The following APBB2 variants were observed in gnomAD, a reference collection of about 807,000 sequenced individuals.
APBB2 encodes Fe65-like 1.
Under a neutral mutation model 82.5 loss-of-function variants are expected in APBB2, and 38 were observed. The observed-to-expected ratio is 0.46, with a 90% confidence interval of 0.36 to 0.60. The LOEUF (loss-of-function observed/expected upper bound fraction) is 0.60. Among genes scored for constraint, APBB2 ranks in the 20% least tolerant of loss-of-function variants. APBB2 has a pLI of 0.00. For synonymous variants in APBB2, 341 were observed against 368.2 expected (o/e 0.93, Z 0.85); for missense variants, 772 against 972.3 (o/e 0.79, Z 2.74).
At chr4:40,996,158 G>A (rs1803584419) in intron 6 of APBB2, among the ~76,000 whole-genome samples, 1 of 152,204 alleles carries the variant, frequency 6.6e-6, no homozygotes, top group Non-Finnish European at 1.5e-5. Context: ...CTAGAAATGA[G>A]AGAAATGGGA....
chr4:41,007,802 A>G (rs944243241), intron 6 of APBB2, among the ~76,000 whole-genome samples: 1 of 152,244 alleles, frequency 6.6e-6, no homozygotes, highest in Non-Finnish European at 1.5e-5. Flanking sequence ...TGTGCCACAT[A>G]CCGTGTGAAG....
At chr4:41,171,176 C>T (rs1409896099) in intron 1 of APBB2, among the ~76,000 whole-genome samples, 2 of 152,198 alleles carry the variant, frequency 1.3e-5, no homozygotes, top group Non-Finnish European at 2.9e-5. Context: ...ACATGAGTCT[C>T]TCATGATTTA....
At chr4:41,194,854 A>AT in intron 1 of APBB2, among the ~76,000 whole-genome samples, 2 of 151,986 alleles carry the variant, frequency 1.3e-5, no homozygotes, top group Non-Finnish European at 2.9e-5. Context: ...TCTTTTTTTA[A>AT]TTTTTTCTTT....
chr4:40,881,538 T>TTTA, intron 12 of APBB2: 1 of 243,264 alleles, frequency 4.1e-6, no homozygotes, highest in Non-Finnish European at 6.2e-6. Context: ...CTTTTTCTTT[T>TTTA]TTTTTTTTTT....
intron 1 of APBB2, among the ~76,000 whole-genome samples, chr4:41,190,900 G>A (rs996981855): frequency 4.6e-5 from 7 of 152,204 alleles, no homozygotes; most frequent in East Asian, 1.9e-4. Context: ...ATGGACCAAC[G>A]CTGGTCTGCT....
At chr4:41,203,762 C>A (rs1320258334) in intron 1 of APBB2, among the ~76,000 whole-genome samples, 1 of 152,172 alleles carries the variant, frequency 6.6e-6, no homozygotes, top group Non-Finnish European at 1.5e-5. Context: ...GTTTCCTGGG[C>A]CGTCTCCCTT....
intron 2 of APBB2, among the ~76,000 whole-genome samples, chr4:41,106,935 T>C (rs1057039492): frequency 6.6e-6 from 1 of 151,938 alleles, no homozygotes; most frequent in Non-Finnish European, 1.5e-5. Flanking sequence ...CAAATGCTAA[T>C]GCAGACATGA....
chr4:41,203,220 A>G (rs4285121), intron 1 of APBB2, among the ~76,000 whole-genome samples: 15,893 of 152,002 alleles, frequency 0.1, 1,238 homozygotes, highest in African/African-American at 0.23. Flanking sequence ...ACACACACAC[A>G]CGTGTACACG....
At chr4:40,857,105 C>G (rs752535027) in intron 12 of APBB2, 6 of 985,512 alleles carry the variant, frequency 6.1e-6, no homozygotes, top group Non-Finnish European at 7.2e-6. Flanking sequence ...CCGGCACCAG[C>G]CAGCGGTGCC....
chr4:41,186,981 A>C (rs1013021907), intron 1 of APBB2, among the ~76,000 whole-genome samples: 1 of 152,236 alleles, frequency 6.6e-6, no homozygotes, highest in South Asian at 2.1e-4. Flanking sequence ...TAATTTTATC[A>C]CTAAAATTCC....
intron 4 of APBB2, among the ~76,000 whole-genome samples, chr4:41,058,729 A>T (rs145586125): frequency 3.6e-4 from 55 of 152,382 alleles, no homozygotes; most frequent in African/African-American, 1.1e-3. Flanking sequence ...TGCAGAAATC[A>T]GGGATTGCAA....
At chr4:40,881,370 T>C in intron 12 of APBB2, 1 of 985,046 alleles carries the variant, frequency 1.0e-6, no homozygotes. Flanking sequence ...CTAGATGTCA[T>C]CAGGAAACTC....
intron 12 of APBB2, among the ~76,000 whole-genome samples, chr4:40,865,883 A>G (rs1763932200): frequency 6.6e-6 from 1 of 152,218 alleles, no homozygotes. Flanking sequence ...ATGAATCACC[A>G]CTTCACACAT....
chr4:41,110,712 T>C (rs1271715190), intron 2 of APBB2, among the ~76,000 whole-genome samples: 3 of 152,206 alleles, frequency 2.0e-5, no homozygotes, highest in East Asian at 3.9e-4. Flanking sequence ...CTGAGCCCCT[T>C]TGCATCCCCT....
chr4:40,849,010 G>A lies in APBB2; in HGVS notation c.1530-18433C>T, dbSNP rs544425923. On this transcript the variant is annotated intron_variant, in intron 12 of 17. Transcript: ENST00000508593. ...CTTACCACTGTCTGGCACATAGTAG[G>A]CAATCAATCAATATTCTTGAATATG... The A allele has an allele frequency of 9.9e-6, 5 of 507,054 alleles. No homozygotes were observed. In the East Asian group the frequency reaches 7.6e-4, roughly 77 times the overall value. 31.4% of individuals were successfully genotyped at this position (507,054 alleles called of 1,614,324 possible).
intron 3 of APBB2, among the ~76,000 whole-genome samples, chr4:41,080,350 G>C (rs1737147270): frequency 6.6e-6 from 1 of 152,140 alleles, no homozygotes; most frequent in South Asian, 2.1e-4. Flanking sequence ...ATGCACTGTT[G>C]ATGTGACCAA....
intron 6 of APBB2, among the ~76,000 whole-genome samples, chr4:41,011,165 T>C: frequency 6.6e-6 from 1 of 151,874 alleles, no homozygotes; most frequent in South Asian, 2.1e-4. Context: ...TTTTTAATTT[T>C]AATTTAATTT....
At chr4:41,160,974 C>T (rs1764990048) in intron 1 of APBB2, among the ~76,000 whole-genome samples, 1 of 152,062 alleles carries the variant, frequency 6.6e-6, no homozygotes, top group South Asian at 2.1e-4. Context: ...AGTGACACAG[C>T]TTGTGGTTAA....
intron 1 of APBB2, among the ~76,000 whole-genome samples, chr4:41,196,113 C>A: frequency 2.0e-5 from 3 of 151,826 alleles, no homozygotes; most frequent in Non-Finnish European, 2.9e-5. Flanking sequence ...GAGCCAAGAT[C>A]CCGCCACTGC....
Sources: gnomAD v4.1 joint callset for allele counts (sites outside exome capture counted in the v4.1 genomes callset) on GRCh38, gnomAD v4.1.1 for gene constraint, MANE v1.5 for transcripts, NCBI Gene and HGNC (gene_info 2026-07-23, HGNC 2026-07-21) for gene names.